PDGFC: variants seen among roughly 807,000 people sequenced by gnomAD.
The protein encoded by PDGFC is platelet-derived growth factor C.
PDGFC carries 12 observed loss-of-function variants against 35.5 expected under a neutral mutation model. The ratio of observed to expected loss-of-function variants is 0.34; its 90% CI spans 0.22 to 0.55. The LOEUF (loss-of-function observed/expected upper bound fraction) is 0.55, where lower values mean the gene tolerates loss of function less well. PDGFC is among the 20% of genes least tolerant of loss of function. The pLI is 0.91. For missense variants in PDGFC, 322 were observed against 412.4 expected (o/e 0.78, Z 1.90); for synonymous variants, 159 against 148.8 (o/e 1.07, Z -0.50).
At chr4:156,802,587 T>C (rs1328234215) in intron 3 of PDGFC, among the ~76,000 whole-genome samples, 1 of 146,884 alleles carries the variant, frequency 6.8e-6, no homozygotes, top group African/African-American at 2.7e-5. Context: ...CACACACATA[T>C]ACATTTTACA....
chr4:156,880,071 G>C (rs1443440176), intron 1 of PDGFC, among the ~76,000 whole-genome samples: 1 of 152,160 alleles, frequency 6.6e-6, no homozygotes, highest in African/African-American at 2.4e-5. Context: ...GTGAAGCTGT[G>C]GCAAGCTATC....
chr4:156,947,495 A>G (rs879764773), intron 1 of PDGFC, among the ~76,000 whole-genome samples: 2 of 152,038 alleles, frequency 1.3e-5, no homozygotes, highest in Non-Finnish European at 2.9e-5. Context: ...GAAAGACAGG[A>G]CAACAAGAAA....
At chr4:156,787,302 G>C (rs1036074070) in intron 3 of PDGFC, among the ~76,000 whole-genome samples, 1 of 152,128 alleles carries the variant, frequency 6.6e-6, no homozygotes, top group African/African-American at 2.4e-5. Flanking sequence ...AAAGTGTTCA[G>C]TGAAAAGAAG....
chr4:156,875,987 G>C (rs1310265196), intron 1 of PDGFC, among the ~76,000 whole-genome samples: 1 of 152,162 alleles, frequency 6.6e-6, no homozygotes, highest in Non-Finnish European at 1.5e-5. Flanking sequence ...AGATGGAAGA[G>C]AAGTTAATAG....
chr4:156,855,093 G>A (rs1729542413), intron 1 of PDGFC, among the ~76,000 whole-genome samples: 1 of 151,986 alleles, frequency 6.6e-6, no homozygotes, highest in Admixed American at 6.6e-5. Context: ...GACTATATGT[G>A]TATATATACA....
chr4:156,775,711 A>G lies in PDGFC; in HGVS notation c.496-2818T>C, dbSNP rs139535914. The stretch of plus-strand genomic sequence containing the variant: ...AAAGATGCACACCTTAGGTCCAGTG[A>G]AGTATCTGCAATCTGCATACCCATC... On this transcript the variant is annotated intron_variant, in intron 3 of 5. Transcript: ENST00000502773. 8.1e-4 allele frequency among the ~76,000 whole-genome samples: 124 copies of G among 152,342 alleles called. 1 individual carries two copies. The highest frequency in any genetic ancestry group is 2.6e-3 in the African/African-American group (110 of 41,574).
At chr4:156,892,676 C>T (rs1414902730) in intron 1 of PDGFC, among the ~76,000 whole-genome samples, 1 of 151,976 alleles carries the variant, frequency 6.6e-6, no homozygotes, top group Non-Finnish European at 1.5e-5. Flanking sequence ...CTTAAACATG[C>T]CTTACTAGAG....
chr4:156,832,082 C>T (rs1402162717), intron 2 of PDGFC, among the ~76,000 whole-genome samples: 1 of 151,942 alleles, frequency 6.6e-6, no homozygotes. Context: ...GCCATTATTA[C>T]TGGTCCTCAT....
chr4:156,839,595 C>T (rs1013005347), intron 2 of PDGFC, among the ~76,000 whole-genome samples: 4 of 152,006 alleles, frequency 2.6e-5, no homozygotes, highest in African/African-American at 9.7e-5. Flanking sequence ...GTAAAGATAC[C>T]CAAATATGTG....
intron 1 of PDGFC, among the ~76,000 whole-genome samples, chr4:156,935,457 G>A (rs1303881939): frequency 6.6e-6 from 1 of 152,152 alleles, no homozygotes; most frequent in Admixed American, 6.5e-5. Flanking sequence ...GGCAGTGCAG[G>A]AGGTTTGTTT....
chr4:156,948,889 T>C (rs1284032129), intron 1 of PDGFC, among the ~76,000 whole-genome samples: 1 of 151,960 alleles, frequency 6.6e-6, no homozygotes. Context: ...CATTGCCCCG[T>C]ATCCCCTGAG....
intron 1 of PDGFC, among the ~76,000 whole-genome samples, chr4:156,854,297 T>C (rs1729522642): frequency 2.0e-5 from 3 of 152,162 alleles, no homozygotes; most frequent in African/African-American, 7.2e-5. Context: ...GAAAACTACA[T>C]AGCTATTAAA....
At chr4:156,938,788 C>T (rs1731740682) in intron 1 of PDGFC, among the ~76,000 whole-genome samples, 1 of 151,432 alleles carries the variant, frequency 6.6e-6, no homozygotes, top group Admixed American at 6.6e-5. Context: ...ATATTTAATA[C>T]TTTAATGAAC....
intron 1 of PDGFC, among the ~76,000 whole-genome samples, chr4:156,918,651 C>T (rs191445865): frequency 6.6e-5 from 10 of 152,270 alleles, no homozygotes; most frequent in African/African-American, 2.2e-4. Flanking sequence ...TTGTGTGCTC[C>T]TTATGAGACT....
At chr4:156,958,939 T>A (rs1259919708) in intron 1 of PDGFC, among the ~76,000 whole-genome samples, 1 of 152,098 alleles carries the variant, frequency 6.6e-6, no homozygotes, top group Non-Finnish European at 1.5e-5. Flanking sequence ...TGACAGTAAC[T>A]ATAAATCCTA....
chr4:156,909,127 T>C (rs1277558707), intron 1 of PDGFC, among the ~76,000 whole-genome samples: 1 of 152,126 alleles, frequency 6.6e-6, no homozygotes, highest in Non-Finnish European at 1.5e-5. Context: ...AGCTAACGAG[T>C]ATTACTTTTT....
At chr4:156,783,799 G>C (rs949864055) in intron 3 of PDGFC, among the ~76,000 whole-genome samples, 5 of 152,152 alleles carry the variant, frequency 3.3e-5, no homozygotes, top group Admixed American at 6.6e-5. Context: ...GTGCTAAAAA[G>C]AGTATGCTTT....
intron 1 of PDGFC, among the ~76,000 whole-genome samples, chr4:156,903,875 A>G (rs919862865): frequency 3.3e-5 from 5 of 152,264 alleles, no homozygotes; most frequent in African/African-American, 1.2e-4. Flanking sequence ...GAGGAAAGGA[A>G]GCAAGACTCT....
At chr4:156,922,629 A>G (rs10010472) in intron 1 of PDGFC, among the ~76,000 whole-genome samples, 54,847 of 151,988 alleles carry the variant, frequency 0.36, 10,759 homozygotes, top group African/African-American at 0.52. Flanking sequence ...CAGAGAGGTG[A>G]GAGAATGAAC....
Sources: gnomAD v4.1 joint callset for allele counts (sites outside exome capture counted in the v4.1 genomes callset) on GRCh38, gnomAD v4.1.1 for gene constraint, MANE v1.5 for transcripts, NCBI Gene and HGNC (gene_info 2026-07-23, HGNC 2026-07-21) for gene names.